Variants in LAMC3 observed in about 807,000 individuals in gnomAD.
LAMC3 encodes the protein laminin subunit gamma-3.
A neutral mutation model predicts 173.8 loss-of-function variants in LAMC3; 128 were observed. The observed-to-expected ratio is 0.74, with a 90% CI of 0.64 to 0.85. The LOEUF is 0.85. Ranked by LOEUF, LAMC3 falls within the 40% of genes least tolerant of loss-of-function variation. LAMC3 has a pLI of 0.00. For missense variants in LAMC3, 2,022 were observed against 2,156.0 expected (o/e 0.94, Z 1.23); for synonymous variants, 897 against 909.1 (o/e 0.99, Z 0.24).
chr9:131,050,076 G>T (rs112389831), intron 9 of LAMC3, among the ~76,000 whole-genome samples: 31 of 152,370 alleles, frequency 2.0e-4, no homozygotes, highest in African/African-American at 7.2e-4. Context: ...GGCCCCTCGT[G>T]GGGCAGGCGC....
intron 7 of LAMC3, among the ~76,000 whole-genome samples, chr9:131,043,690 A>G (rs1834097087): frequency 6.6e-6 from 1 of 152,252 alleles, no homozygotes; most frequent in African/African-American, 2.4e-5. Context: ...TTGCAGAAGA[A>G]TTCCAAGTAA....
chr9:131,041,816 G>A, intron 7 of LAMC3, 81 bp downstream of exon 7: 1 of 1,271,666 alleles, frequency 7.9e-7, no homozygotes, highest in Non-Finnish European at 1.1e-6. Flanking sequence ...GTGGAGTGCG[G>A]GGAGGAGCAA....
rs751853477 is a variant in LAMC3 at position 131,077,170 on chromosome 9, C to G, written c.3630-17C>G. On this transcript the variant is annotated splice_polypyrimidine_tract_variant and intron_variant, in intron 21 of 27. Coordinates refer to ENST00000361069, the MANE Select transcript of LAMC3 (RefSeq NM_006059.4). ...GCTAGTTCTGCACCCAGCTCCGTGG[C>G]CTCTGCTTCCTCCCAGGTACCAGGA... 1 of 1,612,844 alleles carries G rather than the reference C, an allele frequency of 6.2e-7. No homozygotes were observed. The highest frequency in any genetic ancestry group is 8.5e-7 in the Non-Finnish European group (1 of 1,179,990).
intron 27 of LAMC3, among the ~76,000 whole-genome samples, chr9:131,090,388 G>A (rs1830404459): frequency 6.6e-6 from 1 of 152,220 alleles, no homozygotes; most frequent in South Asian, 2.1e-4. Context: ...TAGAGTGGGG[G>A]CTGTAATCCA....
chr9:131,066,778 G>A (rs775890077), intron 13 of LAMC3, among the ~76,000 whole-genome samples, 182 bp from the exon 14 acceptor site: 28 of 152,126 alleles, frequency 1.8e-4, no homozygotes, highest in African/African-American at 6.8e-4. Flanking sequence ...TCCTAGAGGC[G>A]CAGTGGCTTG....
At chr9:131,045,773 C>A in intron 8 of LAMC3, 113 bp downstream of exon 8, 1 of 1,322,758 alleles carries the variant, frequency 7.6e-7, no homozygotes. Flanking sequence ...AGAGGAGCCA[C>A]AGGCCTGCAC....
chr9:131,011,663 CA>C (rs1437430185), intron 1 of LAMC3, among the ~76,000 whole-genome samples: 2 of 87,364 alleles, frequency 2.3e-5, no homozygotes, highest in African/African-American at 9.0e-5. Flanking sequence ...GACAGGAAGC[CA>C]GTGGGGAGGG....
At chr9:131,038,340 C>T (rs1343618751) in intron 4 of LAMC3, among the ~76,000 whole-genome samples, 2 of 152,222 alleles carry the variant, frequency 1.3e-5, no homozygotes, top group African/African-American at 2.4e-5. Context: ...GGGTCCGCAC[C>T]TTTCATGGAT....
rs371875138 is a variant in LAMC3, at chr9:131,085,774, C to T, written c.4230+51C>T. ...TGGCCTCCTTCCCTCCCGGGGGGAC[C>T]GCCCTTCCGCGGGCCCCTTCCCGAC... On this transcript the variant is annotated intron_variant, in intron 25 of 27. Coordinates refer to ENST00000361069, the MANE Select transcript of LAMC3 (RefSeq NM_006059.4). 84 of 1,560,254 alleles carry T rather than the reference C, an allele frequency of 5.4e-5. No homozygotes were observed. The East Asian group carries it at 7.4e-4, about 14-fold the overall frequency.
intron 9 of LAMC3, 147 bp from the exon 10 acceptor site, chr9:131,052,344 A>T: frequency 1.4e-6 from 1 of 731,830 alleles, no homozygotes; most frequent in South Asian, 1.6e-5. Context: ...GGCCCCCTGC[A>T]GGGTCTGCTG....
At chr9:131,065,654 G>A (rs530666062) in intron 13 of LAMC3, among the ~76,000 whole-genome samples, 139 of 152,298 alleles carry the variant, frequency 9.1e-4, no homozygotes, top group African/African-American at 3.1e-3. Flanking sequence ...CCAGTGCAGC[G>A]GGAATGTGGA....
intron 11 of LAMC3, among the ~76,000 whole-genome samples, chr9:131,054,851 G>A (rs1564378141): frequency 6.6e-6 from 1 of 151,900 alleles, no homozygotes; most frequent in East Asian, 1.9e-4. Flanking sequence ...AGCAAGGGAG[G>A]GAAAAGAAAA....
In LAMC3 at chr9:131,087,711, CT is replaced by C. The variant is rs1269689539; in HGVS notation, c.4378-6del. ...TTCAAGCTGTTTCTTCCTCCTCCCC[CT>C]GAAAGGTGGGTGCTGGGCTGAGCGA... On this transcript the variant is annotated splice_region_variant and splice_polypyrimidine_tract_variant and intron_variant, in intron 26 of 27. Coordinates refer to ENST00000361069, the MANE Select transcript of LAMC3 (RefSeq NM_006059.4). 1.9e-6 allele frequency: 3 copies of C among 1,613,904 alleles called. No individual in the cohort carries two copies. The highest frequency in any genetic ancestry group is 2.2e-5 in the East Asian group (1 of 44,898).
At chr9:131,041,610 T>C in intron 6 of LAMC3, 27 bp from the exon 7 acceptor site, 1 of 1,607,058 alleles carries the variant, frequency 6.2e-7, no homozygotes, top group Non-Finnish European at 8.5e-7. Flanking sequence ...CATTGCACAT[T>C]TTCCTCTTGT....
At chr9:131,065,138 A>C (rs1363371828) in intron 13 of LAMC3, among the ~76,000 whole-genome samples, 1 of 152,090 alleles carries the variant, frequency 6.6e-6, no homozygotes, top group East Asian at 1.9e-4. Flanking sequence ...TTTGGGCCTG[A>C]CACTGGTTTC....
At chr9:131,087,902 A>G in intron 27 of LAMC3, 85 bp downstream of exon 27, 1 of 1,061,588 alleles carries the variant, frequency 9.4e-7, no homozygotes, top group Non-Finnish European at 1.4e-6. Flanking sequence ...GTCCTGGGGA[A>G]GATTTCCTCC....
rs1252708720 is a variant in LAMC3 at position 131,047,730 on chromosome 9, G to T, written c.1520-1290G>T. On this transcript the variant is annotated intron_variant, in intron 8 of 27. Coordinates refer to ENST00000361069, the MANE Select transcript of LAMC3 (RefSeq NM_006059.4). ...ATACAAAAATTAGCCAGGCGTGGTG[G>T]CCAGCTCCTGTAATCCCAGCTACTC... Among the ~76,000 whole-genome samples, 10 of 151,384 alleles carry T rather than the reference G, an allele frequency of 6.6e-5. No individual in the cohort carries two copies. The South Asian group carries it at 1.9e-3, about 29-fold the overall frequency.
intron 3 of LAMC3, among the ~76,000 whole-genome samples, chr9:131,032,630 CTCTT>C (rs1287802682): frequency 3.3e-5 from 5 of 151,322 alleles, no homozygotes; most frequent in African/African-American, 4.9e-5. Context: ...CTCTCACTCT[CTCTT>C]GCTCTCTCGC....
chr9:131,087,273 C>T (rs1830347537), intron 25 of LAMC3, among the ~76,000 whole-genome samples: 2 of 152,224 alleles, frequency 1.3e-5, no homozygotes, highest in East Asian at 3.9e-4. Context: ...AGAATTGCTC[C>T]TCCTGAAACG....
Sources: gnomAD v4.1 joint callset for allele counts (sites outside exome capture counted in the v4.1 genomes callset) on GRCh38, gnomAD v4.1.1 for gene constraint, MANE v1.5 for transcripts, NCBI Gene and HGNC (gene_info 2026-07-23, HGNC 2026-07-21) for gene names.